ACOX1: variants seen among roughly 807,000 people sequenced by gnomAD.
ACOX1 encodes the protein acyl-CoA oxidase 1, also known as peroxisomal acyl-coenzyme A oxidase 1.
ACOX1 carries 41 observed loss-of-function variants against 75.5 expected under a neutral mutation model. That is an observed-to-expected ratio of 0.54 (90% CI 0.42 to 0.70). ACOX1 has a LOEUF of 0.70. ACOX1 is among the 30% of genes least tolerant of loss of function. ACOX1 has a pLI of 0.00. For synonymous variants in ACOX1, 303 were observed against 298.8 expected (o/e 1.01, Z -0.15); for missense variants, 630 against 837.5 (o/e 0.75, Z 3.06).
At chr17:75,971,081 C>T (rs927546861) in intron 2 of ACOX1, among the ~76,000 whole-genome samples, 2 of 151,974 alleles carry the variant, frequency 1.3e-5, no homozygotes, top group African/African-American at 2.4e-5. Flanking sequence ...CACCTAAGGT[C>T]GGGAGTTCGA....
chr17:75,958,604 C>A (rs189621413), intron 3 of ACOX1, among the ~76,000 whole-genome samples: 16 of 150,990 alleles, frequency 1.1e-4, no homozygotes, highest in East Asian at 7.8e-4. Flanking sequence ...GTCAGGAGAT[C>A]GAGACCATCC....
At position 75,979,148 on chromosome 17, in the gene ACOX1, C is replaced by G; in HGVS notation, c.-75G>C. On this transcript the variant is annotated 5_prime_UTR_variant, in exon 1 of 14. Coordinates refer to ENST00000293217, the MANE Select transcript of ACOX1 (RefSeq NM_004035.7). ...CAATCTAAATCCGCAGCTCCAGCGC[C>G]GGCCGGACCCTAGGAGGCAGCCTCA... 6.4e-7 allele frequency: 1 copy of G among 1,572,014 alleles called. No homozygotes were observed. The highest frequency in any genetic ancestry group is 8.6e-7 in the Non-Finnish European group (1 of 1,164,136).
At chr17:75,947,656 G>A (rs546408509) in intron 13 of ACOX1, among the ~76,000 whole-genome samples, 33 of 151,902 alleles carry the variant, frequency 2.2e-4, no homozygotes, top group African/African-American at 6.3e-4. Flanking sequence ...AGAGCACTAC[G>A]GAATTCTCTT....
At position 75,960,131 on chromosome 17, in the gene ACOX1, A is replaced by ATCGATGGTGTG; in HGVS notation, c.430+83_430+84insCACACCATCGA. 1 of 1,541,294 alleles carries ATCGATGGTGTG rather than the reference A, an allele frequency of 6.5e-7. No individual in the cohort carries two copies. Among genetic ancestry groups the ATCGATGGTGTG allele is most frequent in the Non-Finnish European group, 8.9e-7 (1 of 1,119,036 alleles). On this transcript the variant is annotated intron_variant, in intron 3 of 13. Transcript: ENST00000293217. This position sits in a 1 kb window ranked among gnomAD's most constrained non-coding sequence, Gnocchi z 4.4. ...ACAGACCATAGAACATCGACACACCATCGATGGCACATGGTGGGCACTCCA... is the reference window on the plus strand; with the variant it reads ...ACAGACCATAGAACATCGACACACCATCGATGGTGTGTCGATGGCACATGGTGGGCACTCCA...
chr17:75,970,184 C>CAAAAAAAAAAAAAAAAAAAAAA lies in ACOX1; in HGVS notation c.269+8349_269+8350insTTTTTTTTTTTTTTTTTTTTTT, dbSNP rs55762557. ...CAGCTTGGGCAACATGAGACTCCTTCAAAAAAAAAAAAAAAAAGAGGAAGG... is the reference window on the plus strand; with the variant it reads ...CAGCTTGGGCAACATGAGACTCCTTCAAAAAAAAAAAAAAAAAAAAAAAAAAAAAAAAAAAAAAAGAGGAAGG... On this transcript the variant is annotated intron_variant, in intron 2 of 13. Transcript: ENST00000293217. Among the ~76,000 whole-genome samples, 102 of 68,984 alleles carry CAAAAAAAAAAAAAAAAAAAAAA rather than the reference C, an allele frequency of 1.5e-3. 5 individuals carry two copies. Among genetic ancestry groups the CAAAAAAAAAAAAAAAAAAAAAA allele is most frequent in the Non-Finnish European group, 2.2e-3 (78 of 35,532 alleles). The allele number at this position is 68,984 out of a possible 152,430, so 45.3% of individuals were successfully genotyped here. A position where few individuals can be genotyped will look rare whatever the true frequency, so the allele number is the denominator to read the frequency against.
intron 2 of ACOX1, among the ~76,000 whole-genome samples, chr17:75,969,906 C>T (rs1032773825): frequency 6.6e-6 from 1 of 151,900 alleles, no homozygotes; most frequent in Non-Finnish European, 1.5e-5. Context: ...AGAAAGAGGC[C>T]GGGTGCAGTG....
At chr17:75,957,034 T>C (rs1020262955) in intron 4 of ACOX1, among the ~76,000 whole-genome samples, 1 of 146,164 alleles carries the variant, frequency 6.8e-6, no homozygotes, top group Non-Finnish European at 1.5e-5. Context: ...TCTCTGTCTA[T>C]ATACACACAC....
In ACOX1 at chr17:75,956,427, G is replaced by A. The variant is rs567798166; in HGVS notation, c.539-480C>T. On this transcript the variant is annotated intron_variant, in intron 4 of 13. Transcript: ENST00000293217. ...TCGGGTCAGCCGGGCACGGTGGCTC[G>A]CGCCTGTAATTCCAGCACTTTGGGA... Among the ~76,000 whole-genome samples, 6 of 152,088 alleles carry A rather than the reference G, an allele frequency of 3.9e-5. No individual in the cohort carries two copies. In the East Asian group the frequency reaches 7.7e-4, roughly 20 times the overall value.
chr17:75,943,925 A>G lies in ACOX1; in HGVS notation c.*2823T>C, dbSNP rs1340877193. On this transcript the variant is annotated 3_prime_UTR_variant, in exon 14 of 14. Coordinates refer to ENST00000293217, the MANE Select transcript of ACOX1 (RefSeq NM_004035.7). ...CAATATTATCTAACACACACAAAAA[A>G]TCTCATTAATTCTCCTCACTCTGGG... The G allele has an allele frequency of 6.6e-6, 1 of 152,150 alleles. No homozygotes were observed. The allele number at this position is 152,150 out of a possible 1,614,324, so 9.4% of individuals were successfully genotyped here.
intron 2 of ACOX1, among the ~76,000 whole-genome samples, chr17:75,967,434 C>T (rs1176859193): frequency 6.6e-6 from 1 of 150,720 alleles, no homozygotes; most frequent in Non-Finnish European, 1.5e-5. Context: ...GATGCCACTG[C>T]ACTCCAGCCT....
At chr17:75,961,812 T>C (rs977583647) in intron 2 of ACOX1, among the ~76,000 whole-genome samples, 3 of 148,828 alleles carry the variant, frequency 2.0e-5, no homozygotes, top group African/African-American at 7.4e-5. Context: ...TTGCTGGGTG[T>C]GGTGGCATGT....
rs1374054157 is a variant in ACOX1, at chr17:75,941,712, T to TA, written c.*5035dup. ...ATTAAGCCAGGGCTGGGTAACAACATATGCTCAATGCATCTTCTCAGGTGA... is the reference window on the plus strand; with the variant it reads ...ATTAAGCCAGGGCTGGGTAACAACATAATGCTCAATGCATCTTCTCAGGTGA... On this transcript the variant is annotated 3_prime_UTR_variant, in exon 14 of 14. Coordinates refer to ENST00000293217, the MANE Select transcript of ACOX1 (RefSeq NM_004035.7). 3 of 152,130 alleles carry TA rather than the reference T, an allele frequency of 2.0e-5. No homozygotes were observed. Among genetic ancestry groups the TA allele is most frequent in the African/African-American group, 7.2e-5 (3 of 41,456 alleles). The allele number at this position is 152,130 out of a possible 1,614,324, so 9.4% of individuals were successfully genotyped here. A position where few individuals can be genotyped will look rare whatever the true frequency, so the allele number is the denominator to read the frequency against.
At chr17:75,961,523 A>T (rs1407951272) in intron 2 of ACOX1, among the ~76,000 whole-genome samples, 1 of 150,112 alleles carries the variant, frequency 6.7e-6, no homozygotes, top group African/African-American at 2.5e-5. Flanking sequence ...TAATCCCAGC[A>T]CTTTGAGAGG....
In ACOX1 at chr17:75,946,758, G is replaced by T; in HGVS notation, c.1973C>A (p.Ser658Tyr). The T allele has an allele frequency of 1.2e-6, 2 of 1,613,962 alleles. No homozygotes were observed. Among genetic ancestry groups the T allele is most frequent in the South Asian group, 2.2e-5 (2 of 91,064 alleles). Residue 658 changes from serine (S) to tyrosine (Y), a missense_variant, in exon 14 of 14, where the codon TCC becomes TAC. This residue lies in a region of ACOX1 where 240 missense variants were observed against 262.7 expected (regional missense o/e 0.91). Coordinates refer to ENST00000293217, the MANE Select transcript of ACOX1 (RefSeq NM_004035.7). Reference protein sequence around the residue: ...ESYKHLKSLQSKL With the variant: ...ESYKHLKSLQYKL ...TGTCCTTGTGACACTTCAGAGCTTG[G>T]ACTGCAGTGACTTCAGGTGCTTGTA...
In ACOX1 at chr17:75,946,511, C is replaced by T. The variant is rs919745498; in HGVS notation, c.*237G>A. ...GCAGCATTACAAAAGGAAGTCATAT[C>T]GCATTTCTTAAGCTTTTTCTGAATG... On this transcript the variant is annotated 3_prime_UTR_variant, in exon 14 of 14. Transcript: ENST00000293217. 1.4e-5 allele frequency: 7 copies of T among 504,516 alleles called. No homozygotes were observed. The highest frequency in any genetic ancestry group is 3.9e-5 in the African/African-American group (2 of 51,348). 31.3% of individuals were successfully genotyped at this position (504,516 alleles called of 1,614,324 possible). A position where few individuals can be genotyped will look rare whatever the true frequency, so the allele number is the denominator to read the frequency against.
Position 75,950,911 on chromosome 17 carries a change from A to G in ACOX1, c.1161T>C (p.Thr387=). 1 of 1,614,194 alleles carries G rather than the reference A, an allele frequency of 6.2e-7. No homozygotes were observed. Among genetic ancestry groups the G allele is most frequent in the Middle Eastern group, 1.6e-4 (1 of 6,062 alleles). Residue 387 remains threonine (T), a synonymous_variant, in exon 9 of 14, where the codon ACT becomes ACC. Transcript: ENST00000293217. This position sits in a 1 kb window ranked among gnomAD's most constrained non-coding sequence, Gnocchi z 4.3. ...LKAFTSWTAN[T]GIEACRMACG... is the part of the protein sequence containing the mutation. ...AAGCCATCCGACATGCTTCAATGCC[A>G]GTGTTTGCAGTCCAGGAGGTGAAAG...
At position 75,960,282 on chromosome 17, in the gene ACOX1, C is replaced by A; in HGVS notation, c.363G>T (p.Glu121Asp). The part of the protein sequence containing the change: ...LLHQATAEQQ[E>D]RFFMPAWNLE... ...AGTTCCAGGCGGGCATGAAGAAGCG[C>A]TCCTGCTGCTCCGCAGTTGCCTGGT... The change falls in exon 3 of 14, where the codon GAG becomes GAT. Residue 121 changes from glutamate to aspartate, a missense_variant. Physicochemically the swap from Glu to Asp is conservative, Grantham distance 45. Around this residue, in one of 2 missense-constraint regions of ACOX1, gnomAD observed 390 missense variants for 574.9 expected, o/e 0.68. Coordinates refer to ENST00000293217, the MANE Select transcript of ACOX1 (RefSeq NM_004035.7). This position sits in a 1 kb window ranked among gnomAD's most constrained non-coding sequence, Gnocchi z 4.4. The A allele has an allele frequency of 6.2e-7, 1 of 1,614,204 alleles. No individual in the cohort carries two copies. The highest frequency in any genetic ancestry group is 8.5e-7 in the Non-Finnish European group (1 of 1,180,040).
chr17:75,972,645 C>CAAAAAAAA (rs10606220), intron 2 of ACOX1, among the ~76,000 whole-genome samples: 1 of 99,200 alleles, frequency 1.0e-5, no homozygotes. Context: ...AACTCTGTCT[C>CAAAAAAAA]AAAAAAAAAA....
intron 2 of ACOX1, chr17:75,973,797 A>C: frequency 1.2e-6 from 2 of 1,613,902 alleles, no homozygotes; most frequent in Non-Finnish European, 8.5e-7. Flanking sequence ...TACAGGAGAG[A>C]AGAGAAAAGG....
Sources: gnomAD v4.1 joint callset for allele counts (sites outside exome capture counted in the v4.1 genomes callset) on GRCh38, gnomAD v4.1.1 for gene constraint, gnomAD v4.1.1 regional missense constraint, Gnocchi (gnomAD v3.1) non-coding constraint, MANE v1.5 for transcripts, NCBI Gene and HGNC (gene_info 2026-07-23, HGNC 2026-07-21) for gene names.